The following BRINP1 variants were observed in gnomAD, a reference collection of about 807,000 sequenced individuals.
BRINP1 encodes the protein BMP/retinoic acid-inducible neural-specific protein 1.
A neutral mutation model predicts 72.9 loss-of-function variants in BRINP1; 17 were observed. The observed-to-expected ratio is 0.23, with a 90% confidence interval of 0.16 to 0.35. BRINP1 has a LOEUF of 0.35. BRINP1 is among the 10% of genes least tolerant of loss of function. The probability of loss-of-function intolerance (pLI) is 1.00; values close to 1 mark genes in which losing one functional copy is unlikely to be tolerated. For missense variants in BRINP1, 850 were observed against 1,001.6 expected, an observed-to-expected ratio of 0.85 and a Z score of 2.04; for synonymous variants, 418 against 378.5, an observed-to-expected ratio of 1.10 and a Z score of -1.21.
intron 2 of BRINP1, among the ~76,000 whole-genome samples, chr9:119,306,829 G>C (rs765897038): frequency 6.6e-6 from 1 of 152,102 alleles, no homozygotes; most frequent in Non-Finnish European, 1.5e-5. Flanking sequence ...ATCCTGGTCT[G>C]TGGCCATGTC....
rs1272804652 is a variant in BRINP1, at chr9:119,167,123, G to C, written c.2247C>G (p.Ile749Met). The C allele has an allele frequency of 1.2e-6, 2 of 1,612,374 alleles. No homozygotes were observed. The highest frequency in any genetic ancestry group is 1.7e-6 in the Non-Finnish European group (2 of 1,178,918). Reference protein sequence around the residue: ...NHALDLYNTEILKQSDQMTAK... With the variant: ...NHALDLYNTEMLKQSDQMTAK... The stretch of plus-strand genomic sequence containing the variant: ...CTGTCATCTGGTCCGACTGTTTGAG[G>C]ATCTCCGTGTTGTACAGGTCCAAGG... The change falls in exon 8 of 8, where the codon ATC (isoleucine) becomes ATG (methionine). Residue 749 changes from isoleucine to methionine, a missense_variant. Ile to Met is a conservative substitution (Grantham distance 10). Transcript: ENST00000265922. This position sits in a 1 kb window ranked among gnomAD's most constrained non-coding sequence, Gnocchi z 4.3.
chr9:119,249,095 G>C lies in BRINP1; in HGVS notation c.274C>G (p.Arg92Gly). The change falls in exon 3 of 8, where the codon CGC becomes GGC. Residue 92 changes from arginine to glycine, a missense_variant. Physicochemically the swap from Arg to Gly is moderately radical, Grantham distance 125. Transcript: ENST00000265922. ...NTAIERRDLV[R>G]HPVPLMPEFQ... ...TCCGGCATGAGGGGCACTGGATGGC[G>C]GACCAGATCTCTCCTCTCGATGGCT... 1 of 1,614,028 alleles carries C rather than the reference G, an allele frequency of 6.2e-7. No individual in the cohort carries two copies. The highest frequency in any genetic ancestry group is 8.5e-7 in the Non-Finnish European group (1 of 1,180,008).
At chr9:119,316,807 T>C (rs1383048900) in intron 1 of BRINP1, among the ~76,000 whole-genome samples, 1 of 152,112 alleles carries the variant, frequency 6.6e-6, no homozygotes, top group Non-Finnish European at 1.5e-5. Context: ...TGAAACAACA[T>C]CTATTCTGCA....
At chr9:119,194,541 CAG>C (rs1829714093) in intron 7 of BRINP1, among the ~76,000 whole-genome samples, 2 of 152,292 alleles carry the variant, frequency 1.3e-5, no homozygotes, top group South Asian at 2.1e-4. Context: ...CCTTTAGAAG[CAG>C]AGAGTTTTCT....
chr9:119,258,108 G>A (rs967831223), intron 2 of BRINP1, among the ~76,000 whole-genome samples: 1 of 152,182 alleles, frequency 6.6e-6, no homozygotes, highest in Non-Finnish European at 1.5e-5. Context: ...CTTATAATGT[G>A]TACAGAGGTC....
intron 2 of BRINP1, among the ~76,000 whole-genome samples, chr9:119,285,118 C>T (rs1830746257): frequency 6.6e-6 from 1 of 151,658 alleles, no homozygotes; most frequent in South Asian, 2.1e-4. Context: ...GTTCCCAAGG[C>T]CTTCTGCTCA....
At chr9:119,237,456 G>A (rs1346955158) in intron 5 of BRINP1, among the ~76,000 whole-genome samples, 6 of 151,392 alleles carry the variant, frequency 4.0e-5, no homozygotes, top group African/African-American at 7.3e-5. Context: ...TCTGCCTCCC[G>A]GGTTCATGCC....
chr9:119,259,425 A>G (rs1165259013), intron 2 of BRINP1, among the ~76,000 whole-genome samples: 1 of 152,228 alleles, frequency 6.6e-6, no homozygotes, highest in Admixed American at 6.5e-5. Flanking sequence ...AGTTTGTTGT[A>G]TAACACATAA....
At chr9:119,200,602 T>G (rs567200551) in intron 7 of BRINP1, among the ~76,000 whole-genome samples, 1 of 131,308 alleles carries the variant, frequency 7.6e-6, no homozygotes, top group East Asian at 2.1e-4. Flanking sequence ...TCGGCCTGGG[T>G]GACAGGGCAG....
chr9:119,247,547 C>T (rs1325902644), intron 3 of BRINP1, among the ~76,000 whole-genome samples: 2 of 151,016 alleles, frequency 1.3e-5, no homozygotes, highest in Non-Finnish European at 1.5e-5. Flanking sequence ...CCCAGCTGCT[C>T]GGCGGGCTGA....
At chr9:119,192,768 A>G (rs1829695293) in intron 7 of BRINP1, among the ~76,000 whole-genome samples, 2 of 152,180 alleles carry the variant, frequency 1.3e-5, no homozygotes, top group African/African-American at 4.8e-5. Context: ...AGGAGATGAA[A>G]TCAGCACAGA....
chr9:119,357,141 T>C (rs1217445736), intron 1 of BRINP1, among the ~76,000 whole-genome samples: 1 of 152,230 alleles, frequency 6.6e-6, no homozygotes, highest in Non-Finnish European at 1.5e-5. Context: ...TCATGTTCTT[T>C]TACTAGAGAA....
At chr9:119,313,007 A>G (rs929134888) in intron 2 of BRINP1, 131 bp downstream of exon 2, 1 of 1,031,156 alleles carries the variant, frequency 9.7e-7, no homozygotes, top group African/African-American at 1.6e-5. Context: ...TTAATCAAAA[A>G]CAGCTTGTGG....
chr9:119,369,044 G>A lies in BRINP1; in HGVS notation c.-51+12C>T, dbSNP rs1831726567. ...GCGGGGCTGCGGGGCGCTGCACCCG[G>A]CGCCGCCTTACCTGGAGTCAATGTC... is the stretch of plus-strand genomic sequence containing the variant. On this transcript the variant is annotated intron_variant, in intron 1 of 7. Transcript: ENST00000265922. 2.5e-6 allele frequency: 1 copy of A among 395,088 alleles called. No individual in the cohort carries two copies. The highest frequency in any genetic ancestry group is 4.5e-6 in the Non-Finnish European group (1 of 224,176). 24.5% of individuals were successfully genotyped at this position (395,088 alleles called of 1,614,324 possible).
At chr9:119,188,334 T>C (rs1829646498) in intron 7 of BRINP1, among the ~76,000 whole-genome samples, 1 of 151,998 alleles carries the variant, frequency 6.6e-6, no homozygotes, top group Non-Finnish European at 1.5e-5. Flanking sequence ...ATGATACAGT[T>C]AAAGTGCTGA....
intron 5 of BRINP1, among the ~76,000 whole-genome samples, chr9:119,227,555 G>A (rs951732036): frequency 2.6e-5 from 4 of 152,012 alleles, no homozygotes; most frequent in African/African-American, 7.2e-5. Context: ...GGGCCTCATC[G>A]GCAGAGCCAC....
chr9:119,278,776 T>C lies in BRINP1; in HGVS notation c.219-29626A>G, dbSNP rs917483309. 2.6e-5 allele frequency among the ~76,000 whole-genome samples: 4 copies of C among 152,174 alleles called. No individual in the cohort carries two copies. The South Asian group carries it at 6.2e-4, about 24-fold the overall frequency. On this transcript the variant is annotated intron_variant, in intron 2 of 7. Coordinates refer to ENST00000265922, the MANE Select transcript of BRINP1 (RefSeq NM_014618.3). ...GGTGGTGCGTGCCTGTAGTCTCAGC[T>C]ACTCAGGAGGCTGAGGCAGGAGAGT...
At position 119,167,797 on chromosome 9, in the gene BRINP1, A is replaced by T; in HGVS notation, c.1573T>A (p.Ser525Thr). 1 of 1,613,834 alleles carries T rather than the reference A, an allele frequency of 6.2e-7. No homozygotes were observed. The highest frequency in any genetic ancestry group is 8.5e-7 in the Non-Finnish European group (1 of 1,179,988). Residue 525 changes from serine (S) to threonine (T), a missense_variant, in exon 8 of 8, where the codon TCC (serine) becomes ACC (threonine). Coordinates refer to ENST00000265922, the MANE Select transcript of BRINP1 (RefSeq NM_014618.3). The surrounding 1 kb of genome is among the most constrained non-coding windows in gnomAD (Gnocchi z 4.3). ...FFDPRWRKRM[S>T]LTLKSNKNRM... ...TTCTTGTTGCTCTTGAGAGTGAGGG[A>T]CATGCGCTTGCGCCACCGAGGGTCA...
intron 2 of BRINP1, among the ~76,000 whole-genome samples, chr9:119,293,205 G>A (rs1034454073): frequency 4.6e-5 from 7 of 151,902 alleles, no homozygotes; most frequent in Admixed American, 2.6e-4. Context: ...AATTCTCGGC[G>A]GGAAAAGGTG....
Sources: allele counts gnomAD v4.1 joint callset (sites outside exome capture counted in the v4.1 genomes callset), GRCh38; gene constraint gnomAD v4.1.1; non-coding constraint Gnocchi (gnomAD v3.1); transcripts MANE v1.5; gene names NCBI Gene and HGNC (gene_info 2026-07-23, HGNC 2026-07-21).